Variants in TLR9 observed in about 807,000 individuals in gnomAD.
The protein encoded by TLR9 is toll-like receptor 9.
Under a neutral mutation model 24.6 loss-of-function variants are expected in TLR9, and 19 were observed. The ratio of observed to expected loss-of-function variants is 0.77; its 90% CI spans 0.54 to 1.13. The LOEUF is 1.13. TLR9 is among the 50% of genes most tolerant of loss of function. The pLI, the probability that TLR9 is intolerant of heterozygous loss-of-function variation, is 0.00. For synonymous variants in TLR9, 579 were observed against 609.8 expected, an observed-to-expected ratio of 0.95 and a Z score of 0.74; for missense variants, 1,065 against 1,379.6, an observed-to-expected ratio of 0.77 and a Z score of 3.61.
At position 52,222,515 on chromosome 3, in the gene TLR9, G is replaced by A. The variant is rs200714733; in HGVS notation, c.1801C>T (p.Arg601Trp). ...GCATTGCCGCTGAAGTCCAGGGCCC[G>A]CAGCGACGTACTGCAGAGCTGCTGG... ...VSQQLCSTSL[R>W]ALDFSGNALG... The change falls in exon 2 of 2, where the codon CGG becomes TGG. Residue 601 changes from arginine (R) to tryptophan (W), a missense_variant. Arg to Trp is a moderately radical substitution (Grantham distance 101, BLOSUM62 -3). Transcript: ENST00000360658. 22 of 1,614,084 alleles carry A rather than the reference G, an allele frequency of 1.4e-5. No individual in the cohort carries two copies. Among genetic ancestry groups the A allele is most frequent in the African/African-American group, 9.3e-5 (7 of 74,946 alleles).
At position 52,222,211 on chromosome 3, in the gene TLR9, C is replaced by T. The variant is rs1050578753; in HGVS notation, c.2105G>A (p.Arg702Gln). The change falls in exon 2 of 2, where the codon CGG becomes CAG. Residue 702 changes from arginine to glutamine, a missense_variant. Physicochemically the swap from Arg to Gln is conservative, Grantham distance 43 (BLOSUM62 1). Coordinates refer to ENST00000360658, the MANE Select transcript of TLR9 (RefSeq NM_017442.4). ...GCAGCTGACATCCAGCCTCCGGAGC[C>T]GGGTGCCAGCAGGCAGGCTGCCATT... The part of the protein sequence containing the change: ...LTNGSLPAGT[R>Q]LRRLDVSCNS... 2.0e-5 allele frequency: 32 copies of T among 1,613,926 alleles called. No homozygotes were observed. The highest frequency in any genetic ancestry group is 6.7e-5 in the African/African-American group (5 of 74,924).
chr3:52,223,761 C>G lies in TLR9; in HGVS notation c.555G>C (p.Arg185Ser), dbSNP rs756098803. ...CACCCGGGGCCACCTCCAGTGCCTG[C>G]CTGCAGGGGTTCTTGTAATAACAGT... ...DGNCYYKNPC[R>S]QALEVAPGAL... Residue 185 changes from arginine (R) to serine (S), a missense_variant, in exon 2 of 2, where the codon AGG (arginine) becomes AGC (serine). Transcript: ENST00000360658. 1 of 1,568,500 alleles carries G rather than the reference C, an allele frequency of 6.4e-7. No homozygotes were observed. The highest frequency in any genetic ancestry group is 8.6e-7 in the Non-Finnish European group (1 of 1,156,234).
rs747414072 is a variant in TLR9 at position 52,221,351 on chromosome 3, G to T, written c.2965C>A (p.Arg989Ser). 6.3e-7 allele frequency: 1 copy of T among 1,582,404 alleles called. No homozygotes were observed. The change falls in exon 2 of 2, where the codon CGC (arginine) becomes AGC (serine). Residue 989 changes from arginine to serine, a missense_variant. Arg to Ser is a moderately radical substitution (Grantham distance 110). Coordinates refer to ENST00000360658, the MANE Select transcript of TLR9 (RefSeq NM_017442.4). This position sits in a 1 kb window ranked among gnomAD's most constrained non-coding sequence, Gnocchi z 9.9. ...TGGGGCCAGAGGAGGACACTCTGGC[G>T]GCAGAGGCGCTGGCGCAGCCGCACG... is the stretch of plus-strand genomic sequence containing the variant. Reference protein sequence around the residue: ...RYVRLRQRLCRQSVLLWPHQP... With the variant: ...RYVRLRQRLCSQSVLLWPHQP...
At chr3:52,225,408 T>C in intron 1 of TLR9, 119 bp downstream of exon 1, 1 of 1,281,006 alleles carries the variant, frequency 7.8e-7, no homozygotes, top group East Asian at 2.5e-5. Context: ...TCAGTGAGTG[T>C]CCCCAGGGCC....
Position 52,221,473 on chromosome 3 carries a change from C to T in TLR9, c.2843G>A (p.Arg948His), listed in dbSNP as rs201739665. 4.0e-5 allele frequency: 65 copies of T among 1,611,758 alleles called. No individual in the cohort carries two copies. The highest frequency in any genetic ancestry group is 1.6e-4 in the Middle Eastern group (1 of 6,078). ...CTGCTGGGCCAGCAGGAAGCTGGCG[C>T]GCAAGAGACCACTGACCCGGTCCGT... ...AHTDRVSGLLRASFLLAQQRL... is the reference protein window; with the variant it reads ...AHTDRVSGLLHASFLLAQQRL... The change falls in exon 2 of 2, where the codon CGC (arginine) becomes CAC (histidine). Residue 948 changes from arginine to histidine, a missense_variant. Arg to His is a conservative substitution (Grantham distance 29). Transcript: ENST00000360658. This position sits in a 1 kb window ranked among gnomAD's most constrained non-coding sequence, Gnocchi z 9.9.
In TLR9 at chr3:52,223,740, CG is replaced by C; in HGVS notation, c.575del (p.Pro192ArgfsTer52). On this transcript the variant is annotated frameshift_variant, in exon 2 of 2. Transcript: ENST00000360658. LOFTEE classifies it low-confidence loss of function (END_TRUNC). ...NPCRQALEVA[P>X]GALLGLGNLT... ...GGTTGCCCAGGCCAAGGAGGGCACC[CG>C]GGGCCACCTCCAGTGCCTGCCTGCA... The C allele has an allele frequency of 1.9e-6, 3 of 1,570,932 alleles. No homozygotes were observed. The highest frequency in any genetic ancestry group is 2.6e-6 in the Non-Finnish European group (3 of 1,157,410).
chr3:52,221,336 G>A lies in TLR9; in HGVS notation c.2980C>T (p.Leu994Phe). Reference sequence around the variant, plus strand: ...TGACCACTGGGCTGGTGGGGCCAGAGGAGGACACTCTGGCGGCAGAGGCGC... The same window carrying A: ...TGACCACTGGGCTGGTGGGGCCAGAAGAGGACACTCTGGCGGCAGAGGCGC... Reference protein sequence around the residue: ...RQRLCRQSVLLWPHQPSGQRS... With the variant: ...RQRLCRQSVLFWPHQPSGQRS... The change falls in exon 2 of 2, where the codon CTC becomes TTC. Residue 994 changes from leucine (L) to phenylalanine (F), a missense_variant. Transcript: ENST00000360658. This position sits in a 1 kb window ranked among gnomAD's most constrained non-coding sequence, Gnocchi z 9.9. The A allele has an allele frequency of 1.9e-6, 3 of 1,581,234 alleles. No individual in the cohort carries two copies. Among genetic ancestry groups the A allele is most frequent in the South Asian group, 1.2e-5 (1 of 86,450 alleles).
chr3:52,223,736 C>A lies in TLR9; in HGVS notation c.580G>T (p.Ala194Ser). The change falls in exon 2 of 2, where the codon GCC (alanine) becomes TCC (serine). Residue 194 changes from alanine (A) to serine (S), a missense_variant. Transcript: ENST00000360658. ...GTGAGGTTGCCCAGGCCAAGGAGGG[C>A]ACCCGGGGCCACCTCCAGTGCCTGC... The part of the protein sequence containing the change: ...CRQALEVAPG[A>S]LLGLGNLTHL... 6.4e-7 allele frequency: 1 copy of A among 1,569,578 alleles called. No homozygotes were observed. The highest frequency in any genetic ancestry group is 8.6e-7 in the Non-Finnish European group (1 of 1,156,982).
In TLR9 at chr3:52,221,801, A is replaced by G; in HGVS notation, c.2515T>C (p.Cys839Arg). Reference sequence around the variant, plus strand: ...AAGCAGTACCAGAGGTCCCAGCCACAGAGGTGATGCAGCATGGGCACACCC... The same window carrying G: ...AAGCAGTACCAGAGGTCCCAGCCACGGAGGTGATGCAGCATGGGCACACCC... ...GLGVPMLHHL[C>R]GWDLWYCFHL... Residue 839 changes from cysteine (C) to arginine (R), a missense_variant, in exon 2 of 2, where the codon TGT becomes CGT. Physicochemically the swap from Cys to Arg is radical, Grantham distance 180. Transcript: ENST00000360658. This position sits in a 1 kb window ranked among gnomAD's most constrained non-coding sequence, Gnocchi z 9.9. The G allele has an allele frequency of 6.2e-7, 1 of 1,614,044 alleles. No individual in the cohort carries two copies. The highest frequency in any genetic ancestry group is 8.5e-7 in the Non-Finnish European group (1 of 1,180,014).
In TLR9 at chr3:52,223,507, C is replaced by T. The variant is rs147338328; in HGVS notation, c.809G>A (p.Arg270His). Residue 270 changes from arginine (R) to histidine (H), a missense_variant, in exon 2 of 2, where the codon CGT (arginine) becomes CAT (histidine). Physicochemically the swap from Arg to His is conservative, Grantham distance 29. Coordinates refer to ENST00000360658, the MANE Select transcript of TLR9 (RefSeq NM_017442.4). ...HAPNPCMECP[R>H]HFPQLHPDTF... Reference sequence around the variant, plus strand: ...ATCGGGATGTAGCTGGGGGAAGTGACGAGGGCACTCCATGCAGGGGTTGGG... The same window carrying T: ...ATCGGGATGTAGCTGGGGGAAGTGATGAGGGCACTCCATGCAGGGGTTGGG... 4 of 1,552,326 alleles carry T rather than the reference C, an allele frequency of 2.6e-6. No homozygotes were observed. The highest frequency in any genetic ancestry group is 3.5e-6 in the Non-Finnish European group (4 of 1,148,384).
Position 52,222,112 on chromosome 3 carries a change from T to C in TLR9, c.2204A>G (p.Asn735Ser), listed in dbSNP as rs1367791908. 1.2e-6 allele frequency: 2 copies of C among 1,612,158 alleles called. No individual in the cohort carries two copies. The highest frequency in any genetic ancestry group is 1.7e-6 in the Non-Finnish European group (2 of 1,179,088). The change falls in exon 2 of 2, where the codon AAC becomes AGC. Residue 735 changes from asparagine to serine, a missense_variant. Physicochemically the swap from Asn to Ser is conservative, Grantham distance 46. Transcript: ENST00000360658. Reference sequence around the variant, plus strand: ...GGAGTGGTCCACTGTCTTGAGGGCGTTGGCGCTAAGGTTGAGCTCTCGCAG... The same window carrying C: ...GGAGTGGTCCACTGTCTTGAGGGCGCTGGCGCTAAGGTTGAGCTCTCGCAG... ...KELRELNLSA[N>S]ALKTVDHSWF... is the part of the protein sequence containing the mutation.
At position 52,224,280 on chromosome 3, in the gene TLR9, A is replaced by T. The variant is rs1487485911; in HGVS notation, c.36T>A (p.Ser12=). ...GFCRSALHPL[S]LLVQAIMLAM... is the part of the protein sequence containing the mutation. ...CCAGCATGATGGCCTGCACCAGGAG[A>T]GACAGCGGGTGCAGGGCGCTGCGGC... The change falls in exon 2 of 2, where the codon TCT becomes TCA. Residue 12 remains serine, a synonymous_variant. Transcript: ENST00000360658. The T allele has an allele frequency of 3.1e-6, 5 of 1,606,860 alleles. No individual in the cohort carries two copies. Among genetic ancestry groups the T allele is most frequent in the Non-Finnish European group, 4.2e-6 (5 of 1,176,560 alleles).
chr3:52,221,424 G>T lies in TLR9; in HGVS notation c.2892C>A (p.Asp964Glu). The part of the protein sequence containing the change: ...AQQRLLEDRK[D>E]VVVLVILSPD... ...GGCTCAGGATCACCAGCACCACGAC[G>T]TCCTTGCGGTCCTCCAGCAGGCGCT... Residue 964 changes from aspartate to glutamate, a missense_variant, in exon 2 of 2, where the codon GAC becomes GAA. Asp to Glu is a conservative substitution (Grantham distance 45). Coordinates refer to ENST00000360658, the MANE Select transcript of TLR9 (RefSeq NM_017442.4). This position sits in a 1 kb window ranked among gnomAD's most constrained non-coding sequence, Gnocchi z 9.9. 6.2e-7 allele frequency: 1 copy of T among 1,603,512 alleles called. No homozygotes were observed. The highest frequency in any genetic ancestry group is 8.5e-7 in the Non-Finnish European group (1 of 1,173,264).
At position 52,223,290 on chromosome 3, in the gene TLR9, G is replaced by A. The variant is rs759686178; in HGVS notation, c.1026C>T (p.Ser342=). ...AGGACACCCTCTTTTGGTAATTGAA[G>A]GACAGGTTAAGCTTGCGCAGCTGTG... ...GLTQLRKLNL[S]FNYQKRVSFA... Residue 342 remains serine (S), a synonymous_variant, in exon 2 of 2, where the codon TCC becomes TCT. Coordinates refer to ENST00000360658, the MANE Select transcript of TLR9 (RefSeq NM_017442.4). 2.5e-6 allele frequency: 4 copies of A among 1,614,258 alleles called. No homozygotes were observed. Among genetic ancestry groups the A allele is most frequent in the Admixed American group, 3.3e-5 (2 of 60,032 alleles).
At position 52,221,087 on chromosome 3, in the gene TLR9, C is replaced by G. The variant is rs113136137; in HGVS notation, c.*130G>C. The G allele has an allele frequency of 1.7e-5, 14 of 822,742 alleles. No individual in the cohort carries two copies. The Middle Eastern group carries it at 1.1e-3, about 65-fold the overall frequency. 51.0% of individuals were successfully genotyped at this position (822,742 alleles called of 1,614,324 possible). On this transcript the variant is annotated 3_prime_UTR_variant, in exon 2 of 2. Transcript: ENST00000360658. The surrounding 1 kb of genome is among the most constrained non-coding windows in gnomAD (Gnocchi z 9.9). ...AGCTCAGAGTTAGCCATCTAGCCTT[C>G]GGTAGCATTTATTGAGTGCCTGCTC...
chr3:52,222,374 G>A lies in TLR9; in HGVS notation c.1942C>T (p.Leu648=). The A allele has an allele frequency of 1.2e-6, 2 of 1,614,236 alleles. No individual in the cohort carries two copies. Among genetic ancestry groups the A allele is most frequent in the Middle Eastern group, 1.6e-4 (1 of 6,062 alleles). The change falls in exon 2 of 2, where the codon CTG becomes TTG. Residue 648 remains leucine (L), a synonymous_variant. Transcript: ENST00000360658. ...NRLHTLLPQT[L]RNLPKSLQVL... ...TGTAGGCTCTTGGGGAGGTTGCGCA[G>A]GGTTTGGGGCAGGAGGGTGTGCAGG...
Position 52,221,666 on chromosome 3 carries a change from CCA to C in TLR9, c.2648_2649del (p.Val883GlyfsTer38). On this transcript the variant is annotated frameshift_variant, in exon 2 of 2. Transcript: ENST00000360658. LOFTEE classifies it high-confidence loss of function. The surrounding 1 kb of genome is among the most constrained non-coding windows in gnomAD (Gnocchi z 9.9). Reference protein sequence around the residue: ...FVVFDKTQSAVADWVYNELRG... With the variant: ...FVVFDKTQSAXADWVYNELRG... ...CGAAGCTCGTTGTACACCCAGTCTG[CCA>C]CTGCGCTCTGCGTTTTGTCGAAGAC... The C allele has an allele frequency of 6.2e-7, 1 of 1,613,984 alleles. No homozygotes were observed. The highest frequency in any genetic ancestry group is 8.5e-7 in the Non-Finnish European group (1 of 1,180,024).
chr3:52,222,435 C>T lies in TLR9; in HGVS notation c.1881G>A (p.Leu627=). The T allele has an allele frequency of 6.2e-7, 1 of 1,614,198 alleles. No homozygotes were observed. Among genetic ancestry groups the T allele is most frequent in the Non-Finnish European group, 8.5e-7 (1 of 1,180,036 alleles). ...GDLYLHFFQG[L]SGLIWLDLSQ... The stretch of plus-strand genomic sequence containing the variant: ...ACAAGTCCAGCCAGATCAAACCGCT[C>T]AGGCCTTGGAAGAAGTGCAGATAGA... Residue 627 remains leucine, a synonymous_variant, in exon 2 of 2, where the codon CTG becomes CTA. Coordinates refer to ENST00000360658, the MANE Select transcript of TLR9 (RefSeq NM_017442.4).
Position 52,222,285 on chromosome 3 carries a change from G to T in TLR9, c.2031C>A (p.Pro677=). Residue 677 remains proline (P), a synonymous_variant, in exon 2 of 2, where the codon CCC becomes CCA. Coordinates refer to ENST00000360658, the MANE Select transcript of TLR9 (RefSeq NM_017442.4). ...CTGCCAGGTCGAGGACTTCCAGTTT[G>T]GGCAGGAAGTGGAGGCTCCACCACT... The part of the protein sequence containing the change: ...FFKWWSLHFL[P]KLEVLDLAGN... The T allele has an allele frequency of 6.8e-6, 11 of 1,614,202 alleles. No individual in the cohort carries two copies. The highest frequency in any genetic ancestry group is 9.3e-6 in the Non-Finnish European group (11 of 1,180,038).
Sources: allele counts gnomAD v4.1 joint callset, GRCh38; gene constraint gnomAD v4.1.1; non-coding constraint Gnocchi (gnomAD v3.1); transcripts MANE v1.5; gene names NCBI Gene and HGNC (gene_info 2026-07-23, HGNC 2026-07-21).